FHIT: variants seen among roughly 807,000 people sequenced by gnomAD.
FHIT encodes the protein bis(5'-adenosyl)-triphosphatase.
A neutral mutation model predicts 17.9 loss-of-function variants in FHIT; 19 were observed. The ratio of observed to expected loss-of-function variants is 1.06; its 90% CI spans 0.74 to 1.56. The LOEUF (loss-of-function observed/expected upper bound fraction) is 1.56, where lower values mean the gene tolerates loss of function less well. FHIT is among the 40% of genes most tolerant of loss of function. The pLI is 0.00. For missense variants in FHIT, 248 were observed against 189.2 expected, an observed-to-expected ratio of 1.31 and a Z score of -1.82; for synonymous variants, 81 against 69.7, an observed-to-expected ratio of 1.16 and a Z score of -0.81.
intron 8 of FHIT, among the ~76,000 whole-genome samples, chr3:59,808,670 T>G (rs929891674): frequency 1.1e-4 from 17 of 152,218 alleles, no homozygotes; most frequent in Non-Finnish European, 1.9e-4. Flanking sequence ...GGAGTTTCAG[T>G]TGGCCGTTTG....
chr3:60,927,344 C>A (rs1707681981), intron 3 of FHIT, among the ~76,000 whole-genome samples: 1 of 152,224 alleles, frequency 6.6e-6, no homozygotes, highest in South Asian at 2.1e-4. Flanking sequence ...GAACCTCCAC[C>A]TCCCAGCCGC....
chr3:60,549,401 T>A (rs891729052), intron 4 of FHIT, among the ~76,000 whole-genome samples: 1 of 152,166 alleles, frequency 6.6e-6, no homozygotes, highest in Non-Finnish European at 1.5e-5. Context: ...GACAACCCTA[T>A]GAGGAAGGTC....
At chr3:60,767,548 C>T (rs1267516350) in intron 4 of FHIT, among the ~76,000 whole-genome samples, 2 of 152,198 alleles carry the variant, frequency 1.3e-5, no homozygotes, top group African/African-American at 4.8e-5. Flanking sequence ...AACCTAGTGG[C>T]TCCCAATTCT....
At chr3:60,769,410 A>G (rs1699966688) in intron 4 of FHIT, among the ~76,000 whole-genome samples, 1 of 152,200 alleles carries the variant, frequency 6.6e-6, no homozygotes, top group Non-Finnish European at 1.5e-5. Context: ...TTACCAGGAA[A>G]TTTGAGGTCT....
chr3:61,106,628 A>G (rs2035996800), intron 2 of FHIT, among the ~76,000 whole-genome samples: 1 of 152,274 alleles, frequency 6.6e-6, no homozygotes, highest in Non-Finnish European at 1.5e-5. Flanking sequence ...CATTGAGTGA[A>G]TTAACATATG....
intron 5 of FHIT, among the ~76,000 whole-genome samples, chr3:60,463,155 A>G (rs1040221069): frequency 6.6e-6 from 1 of 152,202 alleles, no homozygotes; most frequent in African/African-American, 2.4e-5. Context: ...AAGGCAACAG[A>G]TATATCACAT....
At chr3:61,154,957 C>T (rs777509745) in intron 2 of FHIT, among the ~76,000 whole-genome samples, 3 of 152,184 alleles carry the variant, frequency 2.0e-5, no homozygotes, top group Admixed American at 2.0e-4. Context: ...AGGGAGGACC[C>T]GACAGGCCCT....
At chr3:60,885,965 A>G (rs1160023281) in intron 3 of FHIT, among the ~76,000 whole-genome samples, 1 of 152,150 alleles carries the variant, frequency 6.6e-6, no homozygotes, top group Non-Finnish European at 1.5e-5. Context: ...CCCTCTCCCA[A>G]ATAAAATAAA....
intron 5 of FHIT, among the ~76,000 whole-genome samples, chr3:60,201,534 C>T (rs1576299515): frequency 6.6e-6 from 1 of 152,042 alleles, no homozygotes; most frequent in African/African-American, 2.4e-5. Flanking sequence ...AACAACCACC[C>T]TACCCCCCAA....
At chr3:61,054,248 T>C (rs916520322) in intron 2 of FHIT, among the ~76,000 whole-genome samples, 1 of 152,184 alleles carries the variant, frequency 6.6e-6, no homozygotes, top group African/African-American at 2.4e-5. Context: ...CTAATGGAGG[T>C]TGTGCTAATA....
chr3:60,112,089 C>A (rs902314111), intron 5 of FHIT, among the ~76,000 whole-genome samples: 3 of 152,170 alleles, frequency 2.0e-5, no homozygotes, highest in African/African-American at 7.2e-5. Flanking sequence ...TTTCTCTTTG[C>A]TCATGAAAGC....
At chr3:60,537,921 A>T (rs2036045100) in intron 4 of FHIT, among the ~76,000 whole-genome samples, 1 of 151,256 alleles carries the variant, frequency 6.6e-6, no homozygotes, top group Non-Finnish European at 1.5e-5. Context: ...AAAACAGAGA[A>T]AGGATTACAA....
At chr3:60,930,307 C>T (rs1208003695) in intron 3 of FHIT, among the ~76,000 whole-genome samples, 1 of 152,098 alleles carries the variant, frequency 6.6e-6, no homozygotes, top group Admixed American at 6.6e-5. Flanking sequence ...TAGGCATGGG[C>T]AAGGACTTCA....
chr3:60,792,597 A>G (rs1700821724), intron 4 of FHIT, among the ~76,000 whole-genome samples: 1 of 152,248 alleles, frequency 6.6e-6, no homozygotes, highest in African/African-American at 2.4e-5. Context: ...CGACTGAAAG[A>G]TCAAACATGA....
intron 3 of FHIT, among the ~76,000 whole-genome samples, chr3:60,841,013 T>C (rs1702709466): frequency 6.6e-6 from 1 of 152,242 alleles, no homozygotes; most frequent in Non-Finnish European, 1.5e-5. Context: ...CAGTCTGTTT[T>C]TGATTTTTAC....
At chr3:61,069,739 C>G (rs1310448068) in intron 2 of FHIT, among the ~76,000 whole-genome samples, 2 of 152,054 alleles carry the variant, frequency 1.3e-5, no homozygotes, top group African/African-American at 2.4e-5. Flanking sequence ...GCACAGTGCC[C>G]CACACATAGT....
chr3:60,447,201 A>C (rs1270247597), intron 5 of FHIT, among the ~76,000 whole-genome samples: 1 of 152,054 alleles, frequency 6.6e-6, no homozygotes, highest in South Asian at 2.1e-4. Context: ...GTTCTTTGTT[A>C]TCTTCAAATT....
At chr3:59,817,258 C>T (rs1456781219) in intron 8 of FHIT, among the ~76,000 whole-genome samples, 1 of 151,818 alleles carries the variant, frequency 6.6e-6, no homozygotes, top group Non-Finnish European at 1.5e-5. Context: ...GTTTGCTATC[C>T]CAGATAGGTT....
intron 5 of FHIT, among the ~76,000 whole-genome samples, chr3:60,307,652 ATTG>A (rs1371200432): frequency 6.6e-6 from 1 of 152,112 alleles, no homozygotes; most frequent in Non-Finnish European, 1.5e-5. Flanking sequence ...GCTACATTGC[ATTG>A]TTGTTTTGTT....
Sources: allele counts gnomAD v4.1 joint callset (sites outside exome capture counted in the v4.1 genomes callset), GRCh38; gene constraint gnomAD v4.1.1; transcripts MANE v1.5; gene names NCBI Gene and HGNC (gene_info 2026-07-23, HGNC 2026-07-21).